Variants in BICRA observed in about 807,000 individuals in gnomAD.
The protein encoded by BICRA is BRD4-interacting chromatin-remodeling complex-associated protein.
BICRA carries 31 observed loss-of-function variants against 96.9 expected under a neutral mutation model. That is an observed-to-expected ratio of 0.32 (90% CI 0.24 to 0.43). The LOEUF is 0.43. Among genes scored for constraint, BICRA ranks in the 20% least tolerant of loss-of-function variants. BICRA has a pLI of 1.00. For synonymous variants in BICRA, 1,350 were observed against 1,071.8 expected (o/e 1.26, Z -5.07); for missense variants, 2,283 against 2,190.3 (o/e 1.04, Z -0.84).
intron 1 of BICRA, among the ~76,000 whole-genome samples, chr19:47,623,082 T>A (rs1382547568): frequency 6.6e-6 from 1 of 151,804 alleles, no homozygotes; most frequent in Non-Finnish European, 1.5e-5. Flanking sequence ...TATTAGACAT[T>A]ACATAATACA....
chr19:47,698,979 G>A lies in BICRA; in HGVS notation c.3412G>A (p.Glu1138Lys). The change falls in exon 13 of 15, where the codon GAG becomes AAG. Residue 1138 changes from glutamate (E) to lysine (K), a missense_variant. By Grantham distance (56) the Glu-to-Lys change is moderately conservative. Transcript: ENST00000594866. The surrounding 1 kb of genome is among the most constrained non-coding windows in gnomAD (Gnocchi z 4.8). ...SDYHKVDEEF[E>K]TVSTQLLKRT... ...CTTCCTCGCAGTGGACGAGGAGTTT[G>A]AGACGGTCTCCACGCAGCTGCTGAA... is the stretch of plus-strand genomic sequence containing the variant. 6.3e-7 allele frequency: 1 copy of A among 1,584,436 alleles called. No individual in the cohort carries two copies. The highest frequency in any genetic ancestry group is 8.6e-7 in the Non-Finnish European group (1 of 1,165,842).
At chr19:47,629,560 C>T (rs1972189880) in intron 1 of BICRA, among the ~76,000 whole-genome samples, 2 of 152,196 alleles carry the variant, frequency 1.3e-5, no homozygotes, top group Admixed American at 1.3e-4. Context: ...CCACATTTTG[C>T]CTATCCATTT....
rs144451378 is a variant in BICRA at position 47,679,729 on chromosome 19, G to A, written c.559G>A (p.Val187Met). The A allele has an allele frequency of 5.9e-6, 9 of 1,537,574 alleles. No homozygotes were observed. The African/African-American group carries it at 6.9e-5, about 12-fold the overall frequency. The stretch of plus-strand genomic sequence containing the variant: ...CCAGGCCCTGGTGCCGCCCCAGGAC[G>A]TGGTCAACAAGGCCCTGAGTGTGCA... ...THQALVPPQDVVNKALSVQPF... is the reference protein window; with the variant it reads ...THQALVPPQDMVNKALSVQPF... The change falls in exon 6 of 15, where the codon GTG becomes ATG. Residue 187 changes from valine to methionine, a missense_variant. Val to Met is a conservative substitution (Grantham distance 21). Coordinates refer to ENST00000594866, the MANE Select transcript of BICRA (RefSeq NM_001394372.1).
rs143101681 is a variant in BICRA at position 47,661,170 on chromosome 19, C to T, written c.-107-9273C>T. 2.4e-4 allele frequency among the ~76,000 whole-genome samples: 32 copies of T among 135,722 alleles called. No homozygotes were observed. In the East Asian group the frequency reaches 5.9e-3, roughly 25 times the overall value. 89.0% of individuals were successfully genotyped at this position (135,722 alleles called of 152,430 possible). ...CAGAGGTTGCAGTGAGCTGAAATCA[C>T]GCCACTGCACACCAGCCTGGGTGAC... On this transcript the variant is annotated intron_variant, in intron 1 of 14. Transcript: ENST00000594866.
At chr19:47,689,540 T>C (rs1432071534) in intron 7 of BICRA, among the ~76,000 whole-genome samples, 1 of 151,916 alleles carries the variant, frequency 6.6e-6, no homozygotes, top group African/African-American at 2.4e-5. Flanking sequence ...GCCTCCGGAG[T>C]AGCTGGGATT....
chr19:47,668,573 C>T (rs576882596), intron 1 of BICRA, among the ~76,000 whole-genome samples: 4 of 151,466 alleles, frequency 2.6e-5, no homozygotes, highest in East Asian at 2.0e-4. Flanking sequence ...CTGCAAGCTC[C>T]GCCTCCTGTG....
At chr19:47,620,035 G>A (rs893259805) in intron 1 of BICRA, among the ~76,000 whole-genome samples, 4 of 152,152 alleles carry the variant, frequency 2.6e-5, no homozygotes, top group Non-Finnish European at 5.9e-5. Flanking sequence ...TTTCACAGAG[G>A]GGGAGTCCTG....
chr19:47,623,389 C>T (rs1407119861), intron 1 of BICRA, among the ~76,000 whole-genome samples: 1 of 152,282 alleles, frequency 6.6e-6, no homozygotes, highest in African/African-American at 2.4e-5. Context: ...ACTTCAAATC[C>T]TCATGAGGGT....
rs113858723 is a variant in BICRA, at chr19:47,681,588, C to G, written c.2106+312C>G. On this transcript the variant is annotated intron_variant, in intron 6 of 14. Coordinates refer to ENST00000594866, the MANE Select transcript of BICRA (RefSeq NM_001394372.1). Reference sequence around the variant, plus strand: ...CAGTGAACAGACAGAAGGGTAGGCACTGGCTGGGCTGCTGACAGATGGAGA... The same window carrying G: ...CAGTGAACAGACAGAAGGGTAGGCAGTGGCTGGGCTGCTGACAGATGGAGA... Among the ~76,000 whole-genome samples the G allele has an allele frequency of 2.1e-4, 32 of 152,204 alleles. 2 individuals are homozygous for G. Among genetic ancestry groups the G allele is most frequent in the African/African-American group, 7.2e-4 (30 of 41,530 alleles).
Position 47,698,895 on chromosome 19 carries a change from C to T in BICRA, c.3398-70C>T, listed in dbSNP as rs2123613224. 11 of 1,374,058 alleles carry T rather than the reference C, an allele frequency of 8.0e-6. No individual in the cohort carries two copies. In the South Asian group the frequency reaches 1.1e-4, roughly 14 times the overall value. 85.1% of individuals were successfully genotyped at this position (1,374,058 alleles called of 1,614,324 possible). ...ACGGTGCGCTATGCTGACCCTGCCC[C>T]GCCCTCCTTCCTGCGCATCCGCGGC... On this transcript the variant is annotated intron_variant, in intron 12 of 14. Transcript: ENST00000594866. The surrounding 1 kb of genome is among the most constrained non-coding windows in gnomAD (Gnocchi z 4.8).
intron 7 of BICRA, among the ~76,000 whole-genome samples, chr19:47,687,916 T>A (rs1973183858): frequency 6.6e-6 from 1 of 151,656 alleles, no homozygotes; most frequent in South Asian, 2.1e-4. Context: ...CAGACGTAGA[T>A]GATAAGCTTT....
At chr19:47,688,263 GA>G (rs1358462698) in intron 7 of BICRA, among the ~76,000 whole-genome samples, 8 of 152,014 alleles carry the variant, frequency 5.3e-5, no homozygotes, top group Admixed American at 5.2e-4. Flanking sequence ...CATTTCTGAA[GA>G]AAGAAAGAAA....
In BICRA at chr19:47,680,372, C is replaced by T. The variant is rs1973020364; in HGVS notation, c.1202C>T (p.Ala401Val). Residue 401 changes from alanine (A) to valine (V), a missense_variant, in exon 6 of 15, where the codon GCG becomes GTG. By Grantham distance (64) the Ala-to-Val change is moderately conservative. Coordinates refer to ENST00000594866, the MANE Select transcript of BICRA (RefSeq NM_001394372.1). ...GCCCCGCAGAACCTGACGTTCATGG[C>T]GGCGGGGAAGGCGGGCCAGAACGTG... ...PKAPQNLTFM[A>V]AGKAGQNVVL... 4 of 1,529,916 alleles carry T rather than the reference C, an allele frequency of 2.6e-6. No individual in the cohort carries two copies. Among genetic ancestry groups the T allele is most frequent in the African/African-American group, 1.4e-5 (1 of 72,512 alleles). 94.8% of individuals were successfully genotyped at this position (1,529,916 alleles called of 1,614,324 possible).
chr19:47,675,401 C>T lies in BICRA; in HGVS notation c.85-450C>T, dbSNP rs373437056. Among the ~76,000 whole-genome samples, 8 of 152,286 alleles carry T rather than the reference C, an allele frequency of 5.3e-5. No homozygotes were observed. In the East Asian group the frequency reaches 1.2e-3, roughly 22 times the overall value. ...TGCCCTGCCCTTCCAGAGATGGCAC[C>T]GCATGGCTTGTCAGGTGCCCGGATG... On this transcript the variant is annotated intron_variant, in intron 4 of 14. Coordinates refer to ENST00000594866, the MANE Select transcript of BICRA (RefSeq NM_001394372.1). This position sits in a 1 kb window ranked among gnomAD's most constrained non-coding sequence, Gnocchi z 4.7.
At chr19:47,609,714 G>A (rs1054947842) in intron 1 of BICRA, among the ~76,000 whole-genome samples, 2 of 151,864 alleles carry the variant, frequency 1.3e-5, no homozygotes, top group African/African-American at 2.4e-5. Flanking sequence ...GAGGCGGAGA[G>A]CCTGCATCTC....
intron 7 of BICRA, among the ~76,000 whole-genome samples, chr19:47,690,294 G>T (rs1039467175): frequency 6.6e-6 from 1 of 152,136 alleles, no homozygotes; most frequent in African/African-American, 2.4e-5. Flanking sequence ...GAGCCACCGC[G>T]CCCGGCCTAC....
chr19:47,634,263 G>A (rs1449118435), intron 1 of BICRA, among the ~76,000 whole-genome samples: 1 of 152,190 alleles, frequency 6.6e-6, no homozygotes, highest in Non-Finnish European at 1.5e-5. Context: ...AGCCCAGAGC[G>A]AGGCCATGGC....
chr19:47,694,799 TC>T, intron 8 of BICRA, 73 bp downstream of exon 8: 2 of 854,606 alleles, frequency 2.3e-6, no homozygotes, highest in African/African-American at 3.7e-5. Context: ...TGGGAGCCCC[TC>T]CGCCTTACGG....
chr19:47,698,248 C>T lies in BICRA; in HGVS notation c.3249-386C>T, dbSNP rs1973378676. On this transcript the variant is annotated intron_variant, in intron 11 of 14. Transcript: ENST00000594866. This position sits in a 1 kb window ranked among gnomAD's most constrained non-coding sequence, Gnocchi z 4.8. ...GGATCCAGCCTCCCTCCCTTCTTCCCGAAGGCTGCACTTTGGAGGAGGCAC... is the reference window on the plus strand; with the variant it reads ...GGATCCAGCCTCCCTCCCTTCTTCCTGAAGGCTGCACTTTGGAGGAGGCAC... Among the ~76,000 whole-genome samples the T allele has an allele frequency of 6.6e-6, 1 of 152,114 alleles. No individual in the cohort carries two copies. The highest frequency in any genetic ancestry group is 1.5e-5 in the Non-Finnish European group (1 of 68,020).
Sources: allele counts gnomAD v4.1 joint callset (sites outside exome capture counted in the v4.1 genomes callset), GRCh38; gene constraint gnomAD v4.1.1; non-coding constraint Gnocchi (gnomAD v3.1); transcripts MANE v1.5; gene names NCBI Gene and HGNC (gene_info 2026-07-23, HGNC 2026-07-21).